Variants in PRMT3 observed in about 807,000 individuals in gnomAD.
The protein encoded by PRMT3 is protein arginine N-methyltransferase 3.
PRMT3 carries 62 observed loss-of-function variants against 71.9 expected under a neutral mutation model. The ratio of observed to expected loss-of-function variants is 0.86; its 90% CI spans 0.70 to 1.07. The LOEUF (loss-of-function observed/expected upper bound fraction) is 1.07. Among genes scored for constraint, PRMT3 ranks in the 50% least tolerant of loss-of-function variants. PRMT3 has a pLI of 0.00. For synonymous variants in PRMT3, 213 were observed against 220.4 expected (o/e 0.97, Z 0.30); for missense variants, 663 against 643.0 (o/e 1.03, Z -0.34).
intron 3 of PRMT3, among the ~76,000 whole-genome samples, chr11:20,390,146 TCTC>T (rs906133319): frequency 3.7e-4 from 16 of 43,296 alleles, no homozygotes; most frequent in African/African-American, 6.3e-4. Flanking sequence ...GTGAGACTCT[TCTC>T]AAAAAAAAAA....
intron 4 of PRMT3, among the ~76,000 whole-genome samples, 180 bp downstream of exon 4, chr11:20,392,440 C>G (rs1303771628): frequency 6.6e-6 from 1 of 152,086 alleles, no homozygotes; most frequent in Admixed American, 6.5e-5. Context: ...AAATGTCTAC[C>G]ATAACTAACA....
At chr11:20,441,976 A>G (rs909430537) in intron 10 of PRMT3, among the ~76,000 whole-genome samples, 6 of 152,110 alleles carry the variant, frequency 3.9e-5, no homozygotes, top group Non-Finnish European at 7.4e-5. Flanking sequence ...TATTTTTAGT[A>G]GAGACGGGGT....
chr11:20,505,878 C>G (rs202222938), intron 15 of PRMT3, among the ~76,000 whole-genome samples: 4 of 136,070 alleles, frequency 2.9e-5, no homozygotes, highest in Non-Finnish European at 6.4e-5. Context: ...AAAAAAAAAA[C>G]AAAACCCACG....
intron 9 of PRMT3, among the ~76,000 whole-genome samples, chr11:20,416,538 G>T (rs1849309140): frequency 6.6e-6 from 1 of 152,120 alleles, no homozygotes; most frequent in African/African-American, 2.4e-5. Flanking sequence ...TTCAATGAAT[G>T]AATTAATCAA....
Position 20,508,370 on chromosome 11 carries a change from C to G in PRMT3, c.1553C>G (p.Thr518Ser). The stretch of plus-strand genomic sequence containing the variant: ...AAAGATCCACGTTCTCTCACCGTGA[C>G]CCTCACGTTGAATAATTCAACTCAA... ...NKKDPRSLTVTLTLNNSTQTY... is the reference protein window; with the variant it reads ...NKKDPRSLTVSLTLNNSTQTY... Residue 518 changes from threonine to serine, a missense_variant, in exon 16 of 16, where the codon ACC (threonine) becomes AGC (serine). Transcript: ENST00000331079. The G allele has an allele frequency of 6.2e-7, 1 of 1,610,968 alleles. No homozygotes were observed. Among genetic ancestry groups the G allele is most frequent in the Middle Eastern group, 1.7e-4 (1 of 6,058 alleles).
chr11:20,454,176 C>T (rs1027731456), intron 11 of PRMT3, among the ~76,000 whole-genome samples: 18 of 152,100 alleles, frequency 1.2e-4, no homozygotes, highest in African/African-American at 4.1e-4. Context: ...TTTAAACTCA[C>T]ATCTGCCAGC....
intron 11 of PRMT3, among the ~76,000 whole-genome samples, chr11:20,456,038 T>C (rs1472866585): frequency 1.3e-5 from 2 of 152,118 alleles, no homozygotes; most frequent in African/African-American, 4.8e-5. Flanking sequence ...CACTGATAAA[T>C]CTAATTGCAT....
At chr11:20,475,144 C>A (rs184870335) in intron 13 of PRMT3, among the ~76,000 whole-genome samples, 9 of 152,296 alleles carry the variant, frequency 5.9e-5, no homozygotes, top group Admixed American at 2.6e-4. Context: ...TGTGTAACAG[C>A]TACATAGGAT....
chr11:20,470,314 T>C (rs775843635), intron 13 of PRMT3, among the ~76,000 whole-genome samples: 1 of 152,174 alleles, frequency 6.6e-6, no homozygotes, highest in Non-Finnish European at 1.5e-5. Flanking sequence ...ACGTGTGCCA[T>C]AGTGGTTTGC....
Position 20,393,050 on chromosome 11 carries a change from A to G in PRMT3, c.400+51A>G, listed in dbSNP as rs574033011. ...TTTAATTAACATAAGGCCGTTTGTT[A>G]ACGGCAAAATGGAGGTAGAGTGTTT... On this transcript the variant is annotated intron_variant, in intron 5 of 15. Coordinates refer to ENST00000331079, the MANE Select transcript of PRMT3 (RefSeq NM_005788.4). 2.9e-5 allele frequency: 35 copies of G among 1,194,342 alleles called. No individual in the cohort carries two copies. In the South Asian group the frequency reaches 4.5e-4, roughly 15 times the overall value. 74.0% of individuals were successfully genotyped at this position (1,194,342 alleles called of 1,614,324 possible). A position where few individuals can be genotyped will look rare whatever the true frequency, so the allele number is the denominator to read the frequency against.
chr11:20,482,319 A>G (rs910344379), intron 13 of PRMT3, among the ~76,000 whole-genome samples: 2 of 152,138 alleles, frequency 1.3e-5, no homozygotes, highest in East Asian at 3.8e-4. Context: ...CTAAAATACA[A>G]TTTGAGTGGA....
At chr11:20,457,905 A>G (rs896244200) in intron 11 of PRMT3, among the ~76,000 whole-genome samples, 2 of 152,122 alleles carry the variant, frequency 1.3e-5, no homozygotes, top group African/African-American at 4.8e-5. Flanking sequence ...ATTTTTCAGC[A>G]TATAATTTTT....
chr11:20,448,550 G>C (rs1438210109), intron 10 of PRMT3, among the ~76,000 whole-genome samples: 4 of 151,772 alleles, frequency 2.6e-5, no homozygotes, highest in Non-Finnish European at 2.9e-5. Flanking sequence ...CATTATATTT[G>C]TAACTCTACC....
intron 9 of PRMT3, among the ~76,000 whole-genome samples, chr11:20,410,857 C>T (rs1849178825): frequency 6.6e-6 from 1 of 152,032 alleles, no homozygotes; most frequent in Non-Finnish European, 1.5e-5. Flanking sequence ...AGAAATATGT[C>T]CCTGATTCAG....
intron 11 of PRMT3, among the ~76,000 whole-genome samples, chr11:20,459,201 A>T (rs964110467): frequency 4.6e-5 from 7 of 152,150 alleles, no homozygotes; most frequent in Admixed American, 6.5e-5. Flanking sequence ...GCTGACCCTG[A>T]TAGAGAGACT....
intron 13 of PRMT3, among the ~76,000 whole-genome samples, chr11:20,466,304 T>G (rs1176141458): frequency 6.6e-6 from 1 of 152,190 alleles, no homozygotes; most frequent in African/African-American, 2.4e-5. Flanking sequence ...ACCACACCTT[T>G]GAACTGGCCT....
chr11:20,411,711 A>G (rs960018058), intron 9 of PRMT3, among the ~76,000 whole-genome samples: 2 of 152,150 alleles, frequency 1.3e-5, no homozygotes, highest in Admixed American at 1.3e-4. Flanking sequence ...TAAAGTACCA[A>G]TTTAGCTAAG....
chr11:20,470,398 T>TAACA (rs1399536987), intron 13 of PRMT3, among the ~76,000 whole-genome samples: 1 of 152,072 alleles, frequency 6.6e-6, no homozygotes, highest in Non-Finnish European at 1.5e-5. Context: ...CTCCTCCCTC[T>TAACA]AACAGGCCCC....
chr11:20,389,752 C>T lies in PRMT3; in HGVS notation c.173C>T (p.Thr58Ile), dbSNP rs763914100. 2 of 1,608,468 alleles carry T rather than the reference C, an allele frequency of 1.2e-6. No homozygotes were observed. The highest frequency in any genetic ancestry group is 2.2e-5 in the East Asian group (1 of 44,818). ...TPCLFCNRLF[T>I]SAEETFSHCK... ...ATTGCTTGATTTTTCAGGTTATTCACATCTGCTGAAGAAACATTTTCACAC... is the reference window on the plus strand; with the variant it reads ...ATTGCTTGATTTTTCAGGTTATTCATATCTGCTGAAGAAACATTTTCACAC... The change falls in exon 3 of 16, where the codon ACA (threonine) becomes ATA (isoleucine). Residue 58 changes from threonine (T) to isoleucine (I), a missense_variant. Coordinates refer to ENST00000331079, the MANE Select transcript of PRMT3 (RefSeq NM_005788.4).
Sources: allele counts gnomAD v4.1 joint callset (sites outside exome capture counted in the v4.1 genomes callset), GRCh38; gene constraint gnomAD v4.1.1; transcripts MANE v1.5; gene names NCBI Gene and HGNC (gene_info 2026-07-23, HGNC 2026-07-21).